Variants in GLT8D2 observed in about 807,000 individuals in gnomAD.
GLT8D2 encodes glycosyltransferase 8 domain-containing protein 2.
GLT8D2 carries 45 observed loss-of-function variants against 44.5 expected under a neutral mutation model. The observed-to-expected ratio is 1.01, with a 90% CI of 0.80 to 1.30. The LOEUF (loss-of-function observed/expected upper bound fraction) is 1.30. Among genes scored for constraint, GLT8D2 ranks in the 50% most tolerant of loss-of-function variants. The probability of loss-of-function intolerance (pLI) is 0.00; values close to 1 mark genes in which losing one functional copy is unlikely to be tolerated. For synonymous variants in GLT8D2, 156 were observed against 157.2 expected, an observed-to-expected ratio of 0.99 and a Z score of 0.06; for missense variants, 400 against 430.4, an observed-to-expected ratio of 0.93 and a Z score of 0.62.
At chr12:104,028,550 T>C (rs556101523) in intron 1 of GLT8D2, among the ~76,000 whole-genome samples, 1 of 152,082 alleles carries the variant, frequency 6.6e-6, no homozygotes, top group East Asian at 1.9e-4. Flanking sequence ...TGGGTTCAAA[T>C]CCTAGCTGCA....
intron 1 of GLT8D2, among the ~76,000 whole-genome samples, chr12:104,032,237 C>G (rs963871109): frequency 1.9e-4 from 28 of 151,182 alleles, no homozygotes; most frequent in Non-Finnish European, 4.1e-4. Context: ...GGATCAGCTC[C>G]TTGACCTCTG....
At chr12:104,034,000 A>G (rs147100156) in intron 1 of GLT8D2, among the ~76,000 whole-genome samples, 27 of 152,150 alleles carry the variant, frequency 1.8e-4, no homozygotes, top group Admixed American at 1.6e-3. Context: ...TACATTTTTT[A>G]TTTGTTAATT....
upstream of GLT8D2, chr12:104,050,292 G>A (rs1881588779): frequency 6.6e-6 from 1 of 152,232 alleles, no homozygotes; most frequent in Non-Finnish European, 1.5e-5. Context: ...CGCTGTTCTG[G>A]AGGAAAAGAC....
At chr12:104,014,945 G>T in intron 4 of GLT8D2, 68 bp downstream of exon 4, 1 of 1,095,468 alleles carries the variant, frequency 9.1e-7, no homozygotes. Context: ...CTATTGAAAG[G>T]ACCTAGAGGA....
intron 1 of GLT8D2, among the ~76,000 whole-genome samples, chr12:104,024,018 A>C (rs1878242307): frequency 6.6e-6 from 1 of 152,136 alleles, no homozygotes; most frequent in Non-Finnish European, 1.5e-5. Context: ...TTTTGTGTGA[A>C]TAGAGGGTAA....
At chr12:104,052,734 A>T (rs940080490), upstream of GLT8D2, among the ~76,000 whole-genome samples, 1 of 150,894 alleles carries the variant, frequency 6.6e-6, no homozygotes, top group Non-Finnish European at 1.5e-5. Flanking sequence ...TTCTCTCTTT[A>T]CCCCCAGCAT....
At chr12:104,058,698 C>T (rs1882385697) in intron 1 of GLT8D2, among the ~76,000 whole-genome samples, 2 of 152,094 alleles carry the variant, frequency 1.3e-5, no homozygotes, top group Admixed American at 1.3e-4. Context: ...TGAAACAGTC[C>T]AGGTAAATGA....
rs1441416506 is a variant in GLT8D2 at position 104,025,489 on chromosome 12, A to T, written c.-163-3998T>A. Among the ~76,000 whole-genome samples the T allele has an allele frequency of 5.3e-5, 8 of 152,260 alleles. No homozygotes were observed. The South Asian group carries it at 1.2e-3, about 24-fold the overall frequency. ...TTCTCAAAGTGCTGGGATTACAGGCATCAGCCACCACACCTGGCCTTTTTT... is the reference window on the plus strand; with the variant it reads ...TTCTCAAAGTGCTGGGATTACAGGCTTCAGCCACCACACCTGGCCTTTTTT... On this transcript the variant is annotated intron_variant, in intron 1 of 10. Coordinates refer to ENST00000360814, the MANE Select transcript of GLT8D2 (RefSeq NM_001384711.1).
intron 3 of GLT8D2, among the ~76,000 whole-genome samples, chr12:104,018,780 T>A (rs1194878375): frequency 6.6e-6 from 1 of 152,170 alleles, no homozygotes; most frequent in Non-Finnish European, 1.5e-5. Flanking sequence ...ACTAAAAAAT[T>A]ATTTGTTGTT....
intron 1 of GLT8D2, chr12:104,031,528 C>A: frequency 1.9e-6 from 3 of 1,612,504 alleles, no homozygotes; most frequent in East Asian, 4.5e-5. Context: ...CTGCCCAGGG[C>A]AAGGCCAAGA....
At chr12:104,056,697 A>G (rs1372547839) in intron 1 of GLT8D2, among the ~76,000 whole-genome samples, 5 of 152,252 alleles carry the variant, frequency 3.3e-5, no homozygotes, top group Non-Finnish European at 5.9e-5. Flanking sequence ...CAGTTACCAC[A>G]GTATATTCAC....
intron 2 of GLT8D2, among the ~76,000 whole-genome samples, chr12:104,020,016 T>C (rs796646943): frequency 2.4e-4 from 37 of 152,108 alleles, no homozygotes; most frequent in African/African-American, 8.4e-4. Context: ...CCCTCCCAGG[T>C]TCAAGCGATC....
At chr12:104,014,402 AT>A (rs1365883325) in intron 4 of GLT8D2, 2 of 616,330 alleles carry the variant, frequency 3.2e-6, no homozygotes, top group East Asian at 5.6e-5. Flanking sequence ...GTGCTTCCTG[AT>A]TTTTATGGAG....
At chr12:104,060,074 TTGC>T (rs1882497383) in intron 1 of GLT8D2, among the ~76,000 whole-genome samples, 1 of 152,226 alleles carries the variant, frequency 6.6e-6, no homozygotes, top group Non-Finnish European at 1.5e-5. Context: ...AATCCAACAG[TTGC>T]TTCTTCGTCC....
At chr12:104,019,783 G>A in intron 2 of GLT8D2, 107 bp from the exon 3 acceptor site, 1 of 632,306 alleles carries the variant, frequency 1.6e-6, no homozygotes. Flanking sequence ...ATCGTGAAGT[G>A]TGTGATCATT....
intron 4 of GLT8D2, among the ~76,000 whole-genome samples, chr12:104,006,935 T>C (rs746818849): frequency 1.6e-4 from 25 of 152,172 alleles, no homozygotes; most frequent in Non-Finnish European, 3.4e-4. Flanking sequence ...TGAATCAGAA[T>C]ATTTACTTTG....
intron 4 of GLT8D2, among the ~76,000 whole-genome samples, chr12:104,007,384 T>G (rs1478333699): frequency 6.6e-6 from 1 of 151,920 alleles, no homozygotes; most frequent in African/African-American, 2.4e-5. Context: ...CAATAAGCAT[T>G]TCTTGAAATT....
At chr12:104,008,237 T>C (rs1461700532) in intron 4 of GLT8D2, among the ~76,000 whole-genome samples, 3 of 152,192 alleles carry the variant, frequency 2.0e-5, no homozygotes, top group Non-Finnish European at 4.4e-5. Context: ...TGAATGGCTT[T>C]GACCAAAAGC....
intron 8 of GLT8D2, among the ~76,000 whole-genome samples, chr12:103,995,171 G>A (rs1873253793): frequency 6.6e-6 from 1 of 152,110 alleles, no homozygotes; most frequent in Non-Finnish European, 1.5e-5. Context: ...CTCCTAACCA[G>A]TATCCTTGCT....
Sources: gnomAD v4.1 joint callset for allele counts (sites outside exome capture counted in the v4.1 genomes callset) on GRCh38, gnomAD v4.1.1 for gene constraint, MANE v1.5 for transcripts, NCBI Gene and HGNC (gene_info 2026-07-23, HGNC 2026-07-21) for gene names.